LMBR1: variants seen among roughly 807,000 people sequenced by gnomAD.
LMBR1 encodes the protein limb development membrane protein 1, also known as limb region 1 protein homolog.
LMBR1 carries 52 observed loss-of-function variants against 73.9 expected under a neutral mutation model. That is an observed-to-expected ratio of 0.70 (90% CI 0.56 to 0.89). The LOEUF is 0.89. Among genes scored for constraint, LMBR1 ranks in the 40% least tolerant of loss-of-function variants. The pLI, the probability that LMBR1 is intolerant of heterozygous loss-of-function variation, is 0.00. For synonymous variants in LMBR1, 215 were observed against 209.4 expected, an observed-to-expected ratio of 1.03 and a Z score of -0.23; for missense variants, 539 against 579.8, an observed-to-expected ratio of 0.93 and a Z score of 0.72.
chr7:156,873,206 T>C (rs926571167), intron 1 of LMBR1, among the ~76,000 whole-genome samples: 25 of 152,140 alleles, frequency 1.6e-4, no homozygotes, highest in African/African-American at 5.3e-4. Flanking sequence ...TTCTTCCTTC[T>C]GGTGGGTTCG....
chr7:156,846,279 T>TA (rs1021534925), intron 1 of LMBR1, among the ~76,000 whole-genome samples: 3 of 151,828 alleles, frequency 2.0e-5, no homozygotes, highest in Admixed American at 6.6e-5. Flanking sequence ...CCCTGTCTTT[T>TA]AAAAAAACAA....
At chr7:156,886,394 G>A (rs1005559283) in intron 1 of LMBR1, among the ~76,000 whole-genome samples, 1 of 152,206 alleles carries the variant, frequency 6.6e-6, no homozygotes, top group African/African-American at 2.4e-5. Context: ...AAACATGTAT[G>A]TTACATACTT....
chr7:156,882,613 G>A (rs1348623471), intron 1 of LMBR1, among the ~76,000 whole-genome samples: 1 of 152,208 alleles, frequency 6.6e-6, no homozygotes, highest in African/African-American at 2.4e-5. Flanking sequence ...CAGGGGCAGG[G>A]ACAGGGAAGG....
At chr7:156,744,330 A>C (rs978964923) in intron 9 of LMBR1, among the ~76,000 whole-genome samples, 1 of 151,634 alleles carries the variant, frequency 6.6e-6, no homozygotes, top group Non-Finnish European at 1.5e-5. Context: ...TTCTATGTGA[A>C]AGTTTGTAAG....
intron 9 of LMBR1, among the ~76,000 whole-genome samples, chr7:156,755,120 T>G (rs1294711262): frequency 6.6e-6 from 1 of 152,224 alleles, no homozygotes; most frequent in Non-Finnish European, 1.5e-5. Context: ...GTCCAATCCA[T>G]CTCTTCTCTG....
intron 5 of LMBR1, among the ~76,000 whole-genome samples, chr7:156,771,998 A>C (rs1825272151): frequency 6.6e-6 from 1 of 152,142 alleles, no homozygotes; most frequent in South Asian, 2.1e-4. Flanking sequence ...ATGATCAGCC[A>C]GGCGTGGTGG....
At chr7:156,677,067 T>C (rs1052371016), downstream of LMBR1, 3 of 161,452 alleles carry the variant, frequency 1.9e-5, no homozygotes, top group Admixed American at 5.8e-5. Context: ...TTTGTAATAA[T>C]TGCTGTATTT....
intron 4 of LMBR1, among the ~76,000 whole-genome samples, chr7:156,824,348 C>T (rs941460132): frequency 6.6e-6 from 1 of 152,076 alleles, no homozygotes; most frequent in African/African-American, 2.4e-5. Flanking sequence ...AAATTATCTT[C>T]TATACTTTCT....
At chr7:156,806,344 AT>A (rs1038105601) in intron 4 of LMBR1, among the ~76,000 whole-genome samples, 1 of 152,184 alleles carries the variant, frequency 6.6e-6, no homozygotes, top group African/African-American at 2.4e-5. Flanking sequence ...GCCTTGAAGA[AT>A]TTACTTACTG....
intron 6 of LMBR1, 70 bp from the exon 7 acceptor site, chr7:156,763,246 A>AT: frequency 4.5e-6 from 3 of 661,762 alleles, no homozygotes; most frequent in Non-Finnish European, 7.6e-6. Flanking sequence ...AGTCTATCTT[A>AT]CGATAAGATA....
chr7:156,707,086 C>G (rs1383060884), intron 15 of LMBR1, among the ~76,000 whole-genome samples: 1 of 151,970 alleles, frequency 6.6e-6, no homozygotes, highest in Non-Finnish European at 1.5e-5. Flanking sequence ...AAAAGATCAT[C>G]AGAGAATATT....
chr7:156,749,750 C>A (rs1346256114), intron 9 of LMBR1, among the ~76,000 whole-genome samples: 1 of 152,140 alleles, frequency 6.6e-6, no homozygotes, highest in East Asian at 1.9e-4. Context: ...GGTGCAATGG[C>A]GTGATCTCGG....
In LMBR1 at chr7:156,891,059, T is replaced by C. The variant is rs1563642782; in HGVS notation, c.66+1869A>G. ...TAGAAAAATTAGCTGGGTGTGGTGGTGTGTGCCTGTAATCCCAGCTATTCA... is the reference window on the plus strand; with the variant it reads ...TAGAAAAATTAGCTGGGTGTGGTGGCGTGTGCCTGTAATCCCAGCTATTCA... On this transcript the variant is annotated intron_variant, in intron 1 of 16. Coordinates refer to ENST00000353442, the MANE Select transcript of LMBR1 (RefSeq NM_022458.4). Among the ~76,000 whole-genome samples, 7 of 151,054 alleles carry C rather than the reference T, an allele frequency of 4.6e-5. No homozygotes were observed. The South Asian group carries it at 1.5e-3, about 32-fold the overall frequency.
intron 9 of LMBR1, among the ~76,000 whole-genome samples, chr7:156,736,313 T>C (rs1817853611): frequency 6.6e-6 from 1 of 152,242 alleles, no homozygotes; most frequent in Non-Finnish European, 1.5e-5. Flanking sequence ...GATAAACTGT[T>C]CTTTAACAGT....
chr7:156,677,333 C>T (rs988226490), downstream of LMBR1, among the ~76,000 whole-genome samples: 8 of 152,116 alleles, frequency 5.3e-5, no homozygotes, highest in Non-Finnish European at 7.3e-5. Flanking sequence ...CTCAGTGGCT[C>T]GCTGAAGACA....
At chr7:156,712,378 T>C (rs1389531671) in intron 15 of LMBR1, among the ~76,000 whole-genome samples, 1 of 151,976 alleles carries the variant, frequency 6.6e-6, no homozygotes, top group Non-Finnish European at 1.5e-5. Flanking sequence ...TTGGAGAGGA[T>C]GCAGAAAAAA....
At chr7:156,808,266 AAT>A (rs1439212432) in intron 4 of LMBR1, among the ~76,000 whole-genome samples, 1 of 152,122 alleles carries the variant, frequency 6.6e-6, no homozygotes, top group Admixed American at 6.5e-5. Flanking sequence ...TCATGTACTT[AAT>A]ATATGTCATT....
intron 5 of LMBR1, among the ~76,000 whole-genome samples, chr7:156,768,875 C>T (rs1005725378): frequency 6.6e-6 from 1 of 152,168 alleles, no homozygotes; most frequent in Non-Finnish European, 1.5e-5. Context: ...GCAGCAGATT[C>T]ACAGCTGTCC....
At chr7:156,795,045 C>A (rs1829860989) in intron 5 of LMBR1, among the ~76,000 whole-genome samples, 2 of 152,188 alleles carry the variant, frequency 1.3e-5, no homozygotes, top group East Asian at 1.9e-4. Flanking sequence ...TCGACCCTGG[C>A]AAGCGGCTTG....
Sources: gnomAD v4.1 joint callset for allele counts (sites outside exome capture counted in the v4.1 genomes callset) on GRCh38, gnomAD v4.1.1 for gene constraint, MANE v1.5 for transcripts, NCBI Gene and HGNC (gene_info 2026-07-23, HGNC 2026-07-21) for gene names.